KIF26B: variants seen among roughly 807,000 people sequenced by gnomAD.
KIF26B encodes kinesin family member 26B.
Under a neutral mutation model 151.2 loss-of-function variants are expected in KIF26B, and 63 were observed. The observed-to-expected ratio is 0.42, with a 90% confidence interval of 0.34 to 0.51. KIF26B has a LOEUF of 0.51. Ranked by LOEUF, KIF26B falls within the 20% of genes least tolerant of loss-of-function variation. The pLI is 0.07. For synonymous variants in KIF26B, 1,357 were observed against 1,262.1 expected (o/e 1.08, Z -1.59); for missense variants, 2,813 against 2,913.6 (o/e 0.97, Z 0.79).
At position 245,706,719 on chromosome 1, in the gene KIF26B, G is replaced by C. The variant is rs1333089182; in HGVS notation, c.*4113G>C. The C allele has an allele frequency of 2.0e-5, 3 of 152,198 alleles. No homozygotes were observed. The highest frequency in any genetic ancestry group is 7.2e-5 in the African/African-American group (3 of 41,432). The allele number at this position is 152,198 out of a possible 1,614,324, so 9.4% of individuals were successfully genotyped here. Reference sequence around the variant, plus strand: ...GCCGTCTGCTGCCACTGTCCCTGGGGCCTCCATGCTGCCGCCGGGGTATGT... The same window carrying C: ...GCCGTCTGCTGCCACTGTCCCTGGGCCCTCCATGCTGCCGCCGGGGTATGT... On this transcript the variant is annotated 3_prime_UTR_variant, in exon 15 of 15. Transcript: ENST00000407071.
intron 4 of KIF26B, among the ~76,000 whole-genome samples, chr1:245,489,094 G>T (rs1260566783): frequency 6.6e-6 from 1 of 152,198 alleles, no homozygotes; most frequent in Admixed American, 6.5e-5. Context: ...GGATAGTCTG[G>T]CGGCACGTCT....
intron 5 of KIF26B, among the ~76,000 whole-genome samples, chr1:245,556,284 TTCC>T (rs1438760761): frequency 8.1e-6 from 1 of 123,528 alleles, no homozygotes; most frequent in East Asian, 2.3e-4. Context: ...CTTCTTCTTC[TTCC>T]TCCTCCTTCC....
chr1:245,155,397 T>C lies in KIF26B; in HGVS notation c.-28T>C, dbSNP rs1319914796. 9 of 1,591,878 alleles carry C rather than the reference T, an allele frequency of 5.7e-6. No homozygotes were observed. Among genetic ancestry groups the C allele is most frequent in the African/African-American group, 1.3e-5 (1 of 74,532 alleles). ...TCTGGATGTAGCGTCGGTGGAACCT[T>C]TAGATACTCTCCTCTGGAAAAGCCA... On this transcript the variant is annotated 5_prime_UTR_variant, in exon 1 of 15. Transcript: ENST00000407071.
At chr1:245,575,474 C>CA (rs543333513) in intron 5 of KIF26B, among the ~76,000 whole-genome samples, 24,305 of 147,886 alleles carry the variant, frequency 0.16, 2,099 homozygotes, top group Admixed American at 0.24. Context: ...GACTCCATCT[C>CA]AAAAAAAAAA....
rs554985310 is a variant in KIF26B at position 245,205,381 on chromosome 1, G to C, written c.465+48698G>C. ...AAAGTATACTAATTCCTATTCTATAGGCAAAAACAACTGGAGCACAGCAAT... is the reference window on the plus strand; with the variant it reads ...AAAGTATACTAATTCCTATTCTATACGCAAAAACAACTGGAGCACAGCAAT... On this transcript the variant is annotated intron_variant, in intron 2 of 14. Transcript: ENST00000407071. 8.5e-5 allele frequency among the ~76,000 whole-genome samples: 13 copies of C among 152,216 alleles called. No individual in the cohort carries two copies. In the East Asian group the frequency reaches 2.3e-3, roughly 27 times the overall value.
chr1:245,635,079 T>C (rs1005243568), intron 9 of KIF26B, among the ~76,000 whole-genome samples: 2 of 148,622 alleles, frequency 1.3e-5, no homozygotes, highest in Non-Finnish European at 3.0e-5. Context: ...ATGAGGGATA[T>C]TGTTCTGCAG....
At chr1:245,320,925 G>A (rs936385145) in intron 2 of KIF26B, among the ~76,000 whole-genome samples, 2 of 152,112 alleles carry the variant, frequency 1.3e-5, no homozygotes, top group African/African-American at 2.4e-5. Flanking sequence ...TGATCTCCCC[G>A]CGTCGTCCTC....
At position 245,503,834 on chromosome 1, in the gene KIF26B, A is replaced by T. The variant is rs192225758; in HGVS notation, c.1167-36933A>T. Among the ~76,000 whole-genome samples, 118 of 152,294 alleles carry T rather than the reference A, an allele frequency of 7.7e-4. 1 individual carries two copies. In the Middle Eastern group the frequency reaches 0.01, roughly 13 times the overall value. Reference sequence around the variant, plus strand: ...TGTAAGGATCTGGTAGCTATTCCAAAGCCAACCCATCTGTGCTATGGGATT... The same window carrying T: ...TGTAAGGATCTGGTAGCTATTCCAATGCCAACCCATCTGTGCTATGGGATT... On this transcript the variant is annotated intron_variant, in intron 4 of 14. Transcript: ENST00000407071.
At chr1:245,274,931 A>T (rs1264016193) in intron 2 of KIF26B, among the ~76,000 whole-genome samples, 1 of 152,048 alleles carries the variant, frequency 6.6e-6, no homozygotes, top group East Asian at 1.9e-4. Flanking sequence ...ACTAATTTAC[A>T]CTCCCACCAA....
intron 3 of KIF26B, among the ~76,000 whole-genome samples, chr1:245,374,907 G>C (rs916939840): frequency 1.3e-5 from 2 of 152,040 alleles, no homozygotes; most frequent in African/African-American, 4.8e-5. Flanking sequence ...ACTTCACTAG[G>C]AAACTTCAAA....
intron 4 of KIF26B, among the ~76,000 whole-genome samples, chr1:245,530,988 G>A (rs991281068): frequency 1.3e-5 from 2 of 152,210 alleles, no homozygotes; most frequent in African/African-American, 2.4e-5. Context: ...TGTGGGGGGA[G>A]GTTCAGGAGG....
intron 3 of KIF26B, among the ~76,000 whole-genome samples, chr1:245,398,650 A>G (rs1456284333): frequency 6.6e-6 from 1 of 152,154 alleles, no homozygotes; most frequent in African/African-American, 2.4e-5. Flanking sequence ...TTTTCTACGC[A>G]AAAGTCCAGG....
At chr1:245,334,706 AGCCT>A (rs1672186872) in intron 2 of KIF26B, among the ~76,000 whole-genome samples, 1 of 152,194 alleles carries the variant, frequency 6.6e-6, no homozygotes, top group African/African-American at 2.4e-5. Context: ...ATGAGGAGTG[AGCCT>A]GCAGTGCACC....
intron 4 of KIF26B, among the ~76,000 whole-genome samples, chr1:245,508,304 G>A (rs1558192679): frequency 6.6e-6 from 1 of 152,132 alleles, no homozygotes; most frequent in African/African-American, 2.4e-5. Context: ...GCAGTGGCGC[G>A]ATCTCGGCTC....
chr1:245,248,658 T>A (rs1266003735), intron 2 of KIF26B, among the ~76,000 whole-genome samples: 1 of 152,238 alleles, frequency 6.6e-6, no homozygotes, highest in Non-Finnish European at 1.5e-5. Flanking sequence ...CTTTTATGGT[T>A]AAACCTCCTC....
At chr1:245,653,498 G>A (rs1405817445) in intron 10 of KIF26B, among the ~76,000 whole-genome samples, 5 of 152,198 alleles carry the variant, frequency 3.3e-5, no homozygotes, top group African/African-American at 4.8e-5. Context: ...AATGCCTTAT[G>A]GATATTTCAT....
At chr1:245,548,855 T>G (rs1389735500) in intron 5 of KIF26B, among the ~76,000 whole-genome samples, 1 of 152,088 alleles carries the variant, frequency 6.6e-6, no homozygotes, top group African/African-American at 2.4e-5. Context: ...GCAATTCTCC[T>G]GCCTCAGCCT....
Position 245,687,867 on chromosome 1 carries a change from C to T in KIF26B, c.4884C>T (p.Asn1628=), listed in dbSNP as rs1238602226. ...ASGSGTSSPL[N]QPAAFPAGLP... is the part of the protein sequence containing the mutation. ...GCAGCGGCACCAGCAGCCCCCTGAA[C>T]CAACCAGCCGCCTTCCCGGCGGGCC... The change falls in exon 12 of 15, where the codon AAC becomes AAT. Residue 1628 remains asparagine (N), a synonymous_variant. Transcript: ENST00000407071. The surrounding 1 kb of genome is among the most constrained non-coding windows in gnomAD (Gnocchi z 4.9). 6.3e-7 allele frequency: 1 copy of T among 1,593,112 alleles called. No individual in the cohort carries two copies. The highest frequency in any genetic ancestry group is 8.5e-7 in the Non-Finnish European group (1 of 1,171,058).
chr1:245,440,815 T>G (rs1437893013), intron 4 of KIF26B, among the ~76,000 whole-genome samples: 1 of 152,140 alleles, frequency 6.6e-6, no homozygotes, highest in African/African-American at 2.4e-5. Context: ...TGGGCGAGGA[T>G]CTAGAAGCCC....
Sources: allele counts gnomAD v4.1 joint callset (sites outside exome capture counted in the v4.1 genomes callset), GRCh38; gene constraint gnomAD v4.1.1; non-coding constraint Gnocchi (gnomAD v3.1); transcripts MANE v1.5; gene names NCBI Gene and HGNC (gene_info 2026-07-23, HGNC 2026-07-21).